Variants in CYTIP observed in about 807,000 individuals in gnomAD.
The protein encoded by CYTIP is cytohesin 1 interacting protein, also known as cytohesin-interacting protein.
In CYTIP, 26 loss-of-function variants were observed where a neutral mutation model predicts 43.8. The observed-to-expected ratio is 0.59, with a 90% CI of 0.44 to 0.82. CYTIP has a LOEUF of 0.82. Ranked by LOEUF, CYTIP falls within the 40% of genes least tolerant of loss-of-function variation. The probability of loss-of-function intolerance (pLI) is 0.00; values close to 1 mark genes in which losing one functional copy is unlikely to be tolerated. For synonymous variants in CYTIP, 162 were observed against 162.9 expected (o/e 0.99, Z 0.04); for missense variants, 426 against 443.1 (o/e 0.96, Z 0.35).
rs141221938 is a variant in CYTIP, at chr2:157,430,789, C to T, written c.382+71G>A. 101 of 1,470,828 alleles carry T rather than the reference C, an allele frequency of 6.9e-5. No individual in the cohort carries two copies. The African/African-American group carries it at 1.1e-3, about 16-fold the overall frequency. 91.1% of individuals were successfully genotyped at this position (1,470,828 alleles called of 1,614,324 possible). On this transcript the variant is annotated intron_variant, in intron 4 of 7. Coordinates refer to ENST00000264192, the MANE Select transcript of CYTIP (RefSeq NM_004288.5). ...ACTCAAAGCAACAAATACATCCTGA[C>T]CTTCACTCTCAAAACATTTTATTTT...
chr2:157,438,883 C>T, intron 1 of CYTIP: 1 of 336,706 alleles, frequency 3.0e-6, no homozygotes. Context: ...TTTTAAATAC[C>T]CTTTTAGTAT....
intron 6 of CYTIP, among the ~76,000 whole-genome samples, chr2:157,424,430 A>G (rs557613881): frequency 2.6e-5 from 4 of 152,298 alleles, no homozygotes; most frequent in African/African-American, 9.6e-5. Flanking sequence ...ACTTTATTAG[A>G]AAGACTTTAA....
chr2:157,415,490 G>A lies in CYTIP; in HGVS notation c.*187C>T, dbSNP rs1461075670. On this transcript the variant is annotated 3_prime_UTR_variant, in exon 8 of 8. Transcript: ENST00000264192. ...TAGTTTTCCTGTCTGCTTAGAAATT[G>A]GCTGTTTAGGTTGAAAAATGATTTA... is the stretch of plus-strand genomic sequence containing the variant. The A allele has an allele frequency of 2.4e-5, 13 of 541,870 alleles. No individual in the cohort carries two copies. In the East Asian group the frequency reaches 3.4e-4, roughly 14 times the overall value. 33.6% of individuals were successfully genotyped at this position (541,870 alleles called of 1,614,324 possible). A position where few individuals can be genotyped will look rare whatever the true frequency, so the allele number is the denominator to read the frequency against.
chr2:157,418,684 A>T (rs535475477), intron 6 of CYTIP, 95 bp from the exon 7 acceptor site: 8 of 1,183,904 alleles, frequency 6.8e-6, no homozygotes, highest in African/African-American at 1.6e-5. Flanking sequence ...TTGTCATTAA[A>T]TTTTTTACCT....
In CYTIP at chr2:157,414,630, A is replaced by G. The variant is rs916030168; in HGVS notation, c.*1047T>C. 3 of 151,312 alleles carry G rather than the reference A, an allele frequency of 2.0e-5. No individual in the cohort carries two copies. The highest frequency in any genetic ancestry group is 7.3e-5 in the African/African-American group (3 of 41,230). The allele number at this position is 151,312 out of a possible 1,614,324, so 9.4% of individuals were successfully genotyped here. A position where few individuals can be genotyped will look rare whatever the true frequency, so the allele number is the denominator to read the frequency against. ...GAGAGAGAGAGAACTTAAAATCAGC[A>G]GACTATTTATTACATAGTCCAGATT... On this transcript the variant is annotated 3_prime_UTR_variant, in exon 8 of 8. Coordinates refer to ENST00000264192, the MANE Select transcript of CYTIP (RefSeq NM_004288.5).
In CYTIP at chr2:157,415,033, T is replaced by C. The variant is rs932894118; in HGVS notation, c.*644A>G. ...CCACCCATTTTGTTTAGACTGTCTA[T>C]AAAAATGACTTTATTATGATCTTTG... On this transcript the variant is annotated 3_prime_UTR_variant, in exon 8 of 8. Transcript: ENST00000264192. The C allele has an allele frequency of 3.3e-5, 5 of 152,238 alleles. No individual in the cohort carries two copies. Among genetic ancestry groups the C allele is most frequent in the Non-Finnish European group, 5.9e-5 (4 of 68,050 alleles). 9.4% of individuals were successfully genotyped at this position (152,238 alleles called of 1,614,324 possible).
chr2:157,434,469 T>C (rs897521073), intron 2 of CYTIP, 45 bp from the exon 3 acceptor site: 1 of 1,429,540 alleles, frequency 7.0e-7, no homozygotes, highest in East Asian at 2.3e-5. Context: ...AAAATTAAAG[T>C]ATCACATTTG....
rs1685697561 is a variant in CYTIP at position 157,430,604 on chromosome 2, T to C, written c.431A>G (p.Tyr144Cys). ...INGVSTEGFT[Y>C]KQVVDLIRSS... is the part of the protein sequence containing the mutation. ...TCTGATCAGGTCAACGACTTGTTTG[T>C]AGGTAAAACCTTCTGTGCTCACACC... Residue 144 changes from tyrosine (Y) to cysteine (C), a missense_variant, in exon 5 of 8, where the codon TAC (tyrosine) becomes TGC (cysteine). Coordinates refer to ENST00000264192, the MANE Select transcript of CYTIP (RefSeq NM_004288.5). 6.2e-7 allele frequency: 1 copy of C among 1,614,202 alleles called. No homozygotes were observed. Among genetic ancestry groups the C allele is most frequent in the Admixed American group, 1.7e-5 (1 of 60,016 alleles).
Position 157,434,321 on chromosome 2 carries a change from C to A in CYTIP, c.279+49G>T, listed in dbSNP as rs779017907. The A allele has an allele frequency of 6.4e-6, 9 of 1,402,840 alleles. No individual in the cohort carries two copies. The South Asian group carries it at 6.9e-5, about 11-fold the overall frequency. The allele number at this position is 1,402,840 out of a possible 1,614,324, so 86.9% of individuals were successfully genotyped here. A position where few individuals can be genotyped will look rare whatever the true frequency, so the allele number is the denominator to read the frequency against. On this transcript the variant is annotated intron_variant, in intron 3 of 7. Coordinates refer to ENST00000264192, the MANE Select transcript of CYTIP (RefSeq NM_004288.5). Reference sequence around the variant, plus strand: ...TTCTTTGCACATAACATGACACTACCGGTGCCACTTTCTTCCTTGGAAGTC... The same window carrying A: ...TTCTTTGCACATAACATGACACTACAGGTGCCACTTTCTTCCTTGGAAGTC...
intron 6 of CYTIP, among the ~76,000 whole-genome samples, chr2:157,419,968 T>G (rs1160890382): frequency 6.6e-6 from 1 of 152,206 alleles, no homozygotes; most frequent in African/African-American, 2.4e-5. Context: ...AATCGAGCAA[T>G]AAATCAATCA....
chr2:157,420,532 A>T (rs1028948715), intron 6 of CYTIP, among the ~76,000 whole-genome samples: 6 of 151,368 alleles, frequency 4.0e-5, no homozygotes, highest in African/African-American at 9.7e-5. Flanking sequence ...TAAATAAATA[A>T]TTTTTTTAAA....
Position 157,414,771 on chromosome 2 carries a change from C to T in CYTIP, c.*906G>A, listed in dbSNP as rs181761581. On this transcript the variant is annotated 3_prime_UTR_variant, in exon 8 of 8. Coordinates refer to ENST00000264192, the MANE Select transcript of CYTIP (RefSeq NM_004288.5). ...TTGAAAGGCTAGAAGTAATGTGATA[C>T]TAACATAACCAATAGGCAAAAGACT... 5.9e-5 allele frequency: 9 copies of T among 152,028 alleles called. No homozygotes were observed. The highest frequency in any genetic ancestry group is 6.8e-3 in the Middle Eastern group (2 of 294). 9.4% of individuals were successfully genotyped at this position (152,028 alleles called of 1,614,324 possible). A position where few individuals can be genotyped will look rare whatever the true frequency, so the allele number is the denominator to read the frequency against.
At chr2:157,429,541 G>C (rs549035683) in intron 5 of CYTIP, among the ~76,000 whole-genome samples, 1 of 152,264 alleles carries the variant, frequency 6.6e-6, no homozygotes, top group Admixed American at 6.5e-5. Flanking sequence ...AACGTACTAA[G>C]AGAGTCTTTA....
At chr2:157,429,940 G>A (rs867868154) in intron 5 of CYTIP, among the ~76,000 whole-genome samples, 25 of 151,154 alleles carry the variant, frequency 1.7e-4, no homozygotes, top group African/African-American at 4.9e-4. Context: ...GGAGAATGGC[G>A]TGAACCTGGG....
intron 7 of CYTIP, among the ~76,000 whole-genome samples, chr2:157,417,476 G>T (rs1156569693): frequency 3.9e-5 from 6 of 152,266 alleles, no homozygotes; most frequent in African/African-American, 1.4e-4. Context: ...GGCCATTCAG[G>T]ATGCTCCAGA....
At chr2:157,440,568 G>T (rs1373140584) in intron 1 of CYTIP, among the ~76,000 whole-genome samples, 2 of 152,146 alleles carry the variant, frequency 1.3e-5, no homozygotes, top group Non-Finnish European at 2.9e-5. Flanking sequence ...TGTGCTGCCG[G>T]ACACACCGTG....
Position 157,418,600 on chromosome 2 carries a change from A to T in CYTIP, c.547-11T>A, listed in dbSNP as rs75875792. 3.3e-4 allele frequency: 98 copies of T among 299,986 alleles called. No homozygotes were observed. In the African/African-American group the frequency reaches 7.7e-3, roughly 23 times the overall value. The allele number at this position is 299,986 out of a possible 1,614,324, so 18.6% of individuals were successfully genotyped here. ...TTGTTTCAAAGTTTGCTGTGAGATT[A>T]AAAAAAAAAAAAAAAAGTTTTTATT... On this transcript the variant is annotated splice_polypyrimidine_tract_variant and intron_variant, in intron 6 of 7. Transcript: ENST00000264192.
chr2:157,424,348 G>T (rs982971663), intron 6 of CYTIP, among the ~76,000 whole-genome samples: 1 of 151,782 alleles, frequency 6.6e-6, no homozygotes, highest in Non-Finnish European at 1.5e-5. Context: ...ACGATAATAA[G>T]AACAAAAAAC....
intron 1 of CYTIP, chr2:157,439,351 G>A (rs905689618): frequency 3.3e-5 from 5 of 152,154 alleles, no homozygotes; most frequent in Non-Finnish European, 5.9e-5. Context: ...AGACTCAGGC[G>A]ATGTGGAAAG....
Sources: allele counts gnomAD v4.1 joint callset (sites outside exome capture counted in the v4.1 genomes callset), GRCh38; gene constraint gnomAD v4.1.1; transcripts MANE v1.5; gene names NCBI Gene and HGNC (gene_info 2026-07-23, HGNC 2026-07-21).